The following ERLIN1 variants were observed in gnomAD, a reference collection of about 807,000 sequenced individuals.
ERLIN1 encodes the protein erlin-1.
ERLIN1 carries 24 observed loss-of-function variants against 46.9 expected under a neutral mutation model. The ratio of observed to expected loss-of-function variants is 0.51; its 90% CI spans 0.37 to 0.72. ERLIN1 has a LOEUF of 0.72. Among genes scored for constraint, ERLIN1 ranks in the 30% least tolerant of loss-of-function variants. The pLI is 0.00. For synonymous variants in ERLIN1, 158 were observed against 143.2 expected (o/e 1.10, Z -0.74); for missense variants, 293 against 417.9 (o/e 0.70, Z 2.61).
chr10:100,171,795 G>A (rs775684006), intron 6 of ERLIN1, among the ~76,000 whole-genome samples: 7 of 152,142 alleles, frequency 4.6e-5, no homozygotes, highest in African/African-American at 9.7e-5. Flanking sequence ...AATAAAAACA[G>A]CTAATAACCT....
chr10:100,183,969 C>A, intron 1 of ERLIN1, 132 bp from the exon 2 acceptor site: 1 of 624,416 alleles, frequency 1.6e-6, no homozygotes, highest in Non-Finnish European at 2.8e-6. Flanking sequence ...ATGAATTGCT[C>A]ATAATGAACA....
chr10:100,160,635 A>G (rs1484731411), intron 8 of ERLIN1, among the ~76,000 whole-genome samples: 50 of 152,322 alleles, frequency 3.3e-4, no homozygotes, highest in Non-Finnish European at 4.4e-5. Context: ...AGCTTTAAAA[A>G]CATCTCAATA....
At chr10:100,170,831 A>G (rs1843949738) in intron 6 of ERLIN1, among the ~76,000 whole-genome samples, 1 of 152,268 alleles carries the variant, frequency 6.6e-6, no homozygotes, top group African/African-American at 2.4e-5. Context: ...CAAGGACTCA[A>G]TAACTAATGA....
chr10:100,183,318 CA>C (rs1447940735), intron 2 of ERLIN1, among the ~76,000 whole-genome samples: 1 of 151,990 alleles, frequency 6.6e-6, no homozygotes, highest in African/African-American at 2.4e-5. Context: ...ATATACCAGG[CA>C]AAAAAACATG....
At chr10:100,162,748 G>C (rs1219275623) in intron 8 of ERLIN1, among the ~76,000 whole-genome samples, 8 of 152,050 alleles carry the variant, frequency 5.3e-5, no homozygotes, top group Non-Finnish European at 1.2e-4. Context: ...TGATTCAACA[G>C]ACATAAAACT....
chr10:100,164,253 T>C lies in ERLIN1; in HGVS notation c.564-158A>G, dbSNP rs148303810. 2.8e-3 allele frequency among the ~76,000 whole-genome samples: 424 copies of C among 152,340 alleles called. 2 individuals are homozygous for C. The highest frequency in any genetic ancestry group is 9.1e-3 in the African/African-American group (379 of 41,578). On this transcript the variant is annotated intron_variant, in intron 7 of 10. Coordinates refer to ENST00000421367, the MANE Select transcript of ERLIN1 (RefSeq NM_006459.4). ...GAGAGGTGTTACTTTATTTTACTTATAATAAATCTGAGGTTGAAAGATTCA... is the reference window on the plus strand; with the variant it reads ...GAGAGGTGTTACTTTATTTTACTTACAATAAATCTGAGGTTGAAAGATTCA...
At position 100,175,958 on chromosome 10, in the gene ERLIN1, G is replaced by A; in HGVS notation, c.417C>T (p.Tyr139=). The part of the protein sequence containing the change: ...FCSAHTLQEV[Y]IELFDQIDEN... ...TAAGACACTTACCAAACAATTCAAT[G>A]TAAACTTCCTGAAGTGTGTGGGCAC... The change falls in exon 5 of 11, where the codon TAC becomes TAT. Residue 139 remains tyrosine (Y), a synonymous_variant. Transcript: ENST00000421367. The A allele has an allele frequency of 6.2e-7, 1 of 1,613,012 alleles. No homozygotes were observed. Among genetic ancestry groups the A allele is most frequent in the Non-Finnish European group, 8.5e-7 (1 of 1,179,412 alleles).
intron 9 of ERLIN1, 51 bp from the exon 10 acceptor site, chr10:100,154,990 G>A (rs370033192): frequency 8.9e-5 from 130 of 1,456,910 alleles, no homozygotes; most frequent in Non-Finnish European, 1.2e-4. Context: ...AGCTAGTTAA[G>A]AGTCCCTTTC....
chr10:100,175,150 G>A lies in ERLIN1; in HGVS notation c.430+795C>T, dbSNP rs148436828. Among the ~76,000 whole-genome samples the A allele has an allele frequency of 8.3e-4, 127 of 152,342 alleles. 1 individual carries two copies. Among genetic ancestry groups the A allele is most frequent in the African/African-American group, 2.9e-3 (122 of 41,580 alleles). ...TAAATGAAAAGTAAGTTGTACAGAA[G>A]TGAGTTAAGAAAGCAGGGCTGATAC... is the stretch of plus-strand genomic sequence containing the variant. On this transcript the variant is annotated intron_variant, in intron 5 of 10. Transcript: ENST00000421367.
At chr10:100,177,618 T>A (rs1844386814) in intron 4 of ERLIN1, among the ~76,000 whole-genome samples, 1 of 152,212 alleles carries the variant, frequency 6.6e-6, no homozygotes, top group South Asian at 2.1e-4. Flanking sequence ...AGACGGTATA[T>A]CTTTCTTCAG....
At chr10:100,161,038 C>A (rs931761727) in intron 8 of ERLIN1, among the ~76,000 whole-genome samples, 24 of 152,206 alleles carry the variant, frequency 1.6e-4, no homozygotes, top group African/African-American at 5.5e-4. Flanking sequence ...GTGTTAAGTA[C>A]AGCAAATGTC....
chr10:100,160,421 T>C (rs755445047), intron 8 of ERLIN1, among the ~76,000 whole-genome samples: 5 of 152,036 alleles, frequency 3.3e-5, no homozygotes, highest in East Asian at 1.9e-4. Context: ...TTGGGGATAG[T>C]ATAACCATGA....
chr10:100,163,911 C>G lies in ERLIN1; in HGVS notation c.655+93G>C. The G allele has an allele frequency of 3.9e-6, 3 of 766,030 alleles. No homozygotes were observed. The South Asian group carries it at 5.0e-5, about 13-fold the overall frequency. The allele number at this position is 766,030 out of a possible 1,614,324, so 47.5% of individuals were successfully genotyped here. A position where few individuals can be genotyped will look rare whatever the true frequency, so the allele number is the denominator to read the frequency against. On this transcript the variant is annotated intron_variant, in intron 8 of 10. Transcript: ENST00000421367. The stretch of plus-strand genomic sequence containing the variant: ...AATTCCCCACTACCTATGATGCAAT[C>G]TTACTGAGTCCCATGATACCCAAAA...
intron 9 of ERLIN1, among the ~76,000 whole-genome samples, chr10:100,155,492 G>A (rs914550677): frequency 1.2e-4 from 18 of 151,862 alleles, no homozygotes; most frequent in Non-Finnish European, 2.2e-4. Context: ...GAAACTGGTC[G>A]TGATGGGGTT....
chr10:100,152,111 G>A lies in ERLIN1; in HGVS notation c.*20C>T. The stretch of plus-strand genomic sequence containing the variant: ...CCCTTGGGCCACATCTTGATATGGA[G>A]AACATTTCCACCTCTTGCATCAACC... On this transcript the variant is annotated 3_prime_UTR_variant, in exon 11 of 11. Transcript: ENST00000421367. 2.0e-6 allele frequency: 3 copies of A among 1,509,654 alleles called. No homozygotes were observed. Among genetic ancestry groups the A allele is most frequent in the Non-Finnish European group, 2.8e-6 (3 of 1,084,902 alleles). 93.5% of individuals were successfully genotyped at this position (1,509,654 alleles called of 1,614,324 possible).
chr10:100,164,986 T>C (rs1843553429), intron 7 of ERLIN1, among the ~76,000 whole-genome samples: 1 of 152,200 alleles, frequency 6.6e-6, no homozygotes, highest in Non-Finnish European at 1.5e-5. Flanking sequence ...CCAGAATCTT[T>C]ACAAATCCAA....
intron 6 of ERLIN1, among the ~76,000 whole-genome samples, chr10:100,168,214 T>C (rs944395671): frequency 1.3e-5 from 2 of 152,192 alleles, no homozygotes; most frequent in Non-Finnish European, 2.9e-5. Flanking sequence ...AAAAAACACT[T>C]TGCTGGTCTG....
intron 8 of ERLIN1, among the ~76,000 whole-genome samples, chr10:100,161,803 G>T (rs1329146905): frequency 6.6e-6 from 1 of 152,044 alleles, no homozygotes; most frequent in Non-Finnish European, 1.5e-5. Context: ...TGATGGATAT[G>T]GCATTAGAAA....
chr10:100,180,682 C>T (rs1844587805), intron 2 of ERLIN1, among the ~76,000 whole-genome samples: 1 of 152,176 alleles, frequency 6.6e-6, no homozygotes, highest in Non-Finnish European at 1.5e-5. Context: ...TGACAAGAGA[C>T]CATGGTAATA....
Sources: allele counts gnomAD v4.1 joint callset (sites outside exome capture counted in the v4.1 genomes callset), GRCh38; gene constraint gnomAD v4.1.1; transcripts MANE v1.5; gene names NCBI Gene and HGNC (gene_info 2026-07-23, HGNC 2026-07-21).